The following ADAMTS2 variants were observed in gnomAD, a reference collection of about 807,000 sequenced individuals.
The protein encoded by ADAMTS2 is A disintegrin and metalloproteinase with thrombospondin motifs 2.
In ADAMTS2, 50 loss-of-function variants were observed where a neutral mutation model predicts 123.0. The ratio of observed to expected loss-of-function variants is 0.41; its 90% CI spans 0.32 to 0.51. The LOEUF (loss-of-function observed/expected upper bound fraction) is 0.51, where lower values mean the gene tolerates loss of function less well. Ranked by LOEUF, ADAMTS2 falls within the 20% of genes least tolerant of loss-of-function variation. The pLI is 0.35. For synonymous variants in ADAMTS2, 678 were observed against 695.4 expected (o/e 0.98, Z 0.39); for missense variants, 1,494 against 1,705.2 (o/e 0.88, Z 2.18).
Position 179,188,966 on chromosome 5 carries a change from T to A in ADAMTS2, c.892-7811A>T, listed in dbSNP as rs1764238310. Among the ~76,000 whole-genome samples the A allele has an allele frequency of 6.6e-6, 1 of 151,958 alleles. No homozygotes were observed. The highest frequency in any genetic ancestry group is 2.1e-4 in the South Asian group (1 of 4,806). The stretch of plus-strand genomic sequence containing the variant: ...GACGGCAAGAGGCTGCCCCTCCCCC[T>A]CTCCTGAATTTGGGGGGTTAGCAGA... On this transcript the variant is annotated intron_variant, in intron 4 of 21. Coordinates refer to ENST00000251582, the MANE Select transcript of ADAMTS2 (RefSeq NM_014244.5). The surrounding 1 kb of genome is among the most constrained non-coding windows in gnomAD (Gnocchi z 5.1).
intron 2 of ADAMTS2, among the ~76,000 whole-genome samples, chr5:179,319,578 C>T (rs759156451): frequency 7.9e-5 from 12 of 152,186 alleles, no homozygotes; most frequent in Non-Finnish European, 1.2e-4. Context: ...CCCAGCCTCA[C>T]TGCCTGCTTG....
At chr5:179,163,395 C>G (rs1763636215) in intron 5 of ADAMTS2, among the ~76,000 whole-genome samples, 2 of 152,220 alleles carry the variant, frequency 1.3e-5, no homozygotes, top group Admixed American at 1.3e-4. Context: ...GGAGCAACAT[C>G]CGCCCAGTGC....
chr5:179,121,548 G>A lies in ADAMTS2; in HGVS notation c.3178+113C>T, dbSNP rs1762762773. The stretch of plus-strand genomic sequence containing the variant: ...AAAACGGTCACCCCAGAGCGCGCCC[G>A]CAGAGTCAGGGGAGCTTTCCATAGA... On this transcript the variant is annotated intron_variant, in intron 21 of 21. Coordinates refer to ENST00000251582, the MANE Select transcript of ADAMTS2 (RefSeq NM_014244.5). 8.2e-6 allele frequency: 7 copies of A among 857,536 alleles called. No homozygotes were observed. The East Asian group carries it at 1.1e-4, about 14-fold the overall frequency. 53.1% of individuals were successfully genotyped at this position (857,536 alleles called of 1,614,324 possible). A position where few individuals can be genotyped will look rare whatever the true frequency, so the allele number is the denominator to read the frequency against.
At position 179,115,372 on chromosome 5, in the gene ADAMTS2, A is replaced by G. The variant is rs1019310730; in HGVS notation, c.3179-1048T>C. On this transcript the variant is annotated intron_variant, in intron 21 of 21. Transcript: ENST00000251582. The surrounding 1 kb of genome is among the most constrained non-coding windows in gnomAD (Gnocchi z 4.4). The stretch of plus-strand genomic sequence containing the variant: ...AACACAAAAATTAAGATGATTTTAA[A>G]AAATTCACTCAAGAAGAAAGAATAA... Among the ~76,000 whole-genome samples the G allele has an allele frequency of 3.3e-5, 5 of 152,222 alleles. No homozygotes were observed. The highest frequency in any genetic ancestry group is 2.6e-4 in the Admixed American group (4 of 15,284).
intron 3 of ADAMTS2, among the ~76,000 whole-genome samples, chr5:179,229,140 A>G (rs1765352235): frequency 6.6e-6 from 1 of 152,226 alleles, no homozygotes; most frequent in Non-Finnish European, 1.5e-5. Flanking sequence ...CCTGAGGCCC[A>G]GAGAAGCCAA....
chr5:179,316,612 A>T (rs2113584930), intron 2 of ADAMTS2, among the ~76,000 whole-genome samples: 1 of 152,322 alleles, frequency 6.6e-6, no homozygotes, highest in East Asian at 1.9e-4. Context: ...CAGTCCAGCA[A>T]GGCCCAGGGC....
rs1428525920 is a variant in ADAMTS2 at position 179,260,144 on chromosome 5, G to A, written c.688+12767C>T. On this transcript the variant is annotated intron_variant, in intron 3 of 21. Coordinates refer to ENST00000251582, the MANE Select transcript of ADAMTS2 (RefSeq NM_014244.5). The surrounding 1 kb of genome is among the most constrained non-coding windows in gnomAD (Gnocchi z 4.2). ...AATGTCCCATGGGCCCATGGGACCA[G>A]TAGCCACCCACAGCTGCCAACCTGA... Among the ~76,000 whole-genome samples the A allele has an allele frequency of 1.3e-5, 2 of 152,108 alleles. No individual in the cohort carries two copies. Among genetic ancestry groups the A allele is most frequent in the Non-Finnish European group, 2.9e-5 (2 of 68,026 alleles).
At chr5:179,169,605 G>C (rs1763775852) in intron 5 of ADAMTS2, among the ~76,000 whole-genome samples, 1 of 152,104 alleles carries the variant, frequency 6.6e-6, no homozygotes, top group Non-Finnish European at 1.5e-5. Flanking sequence ...GGTGAGGCAT[G>C]GGGTGTGTTT....
chr5:179,339,090 C>T (rs572154439), intron 2 of ADAMTS2, among the ~76,000 whole-genome samples: 1 of 152,180 alleles, frequency 6.6e-6, no homozygotes, highest in Non-Finnish European at 1.5e-5. Flanking sequence ...CCGTGTTCAC[C>T]ACCCTGCACA....
At position 179,132,790 on chromosome 5, in the gene ADAMTS2, T is replaced by G; in HGVS notation, c.2196A>C (p.Ser732=). 1 of 1,614,094 alleles carries G rather than the reference T, an allele frequency of 6.2e-7. No individual in the cohort carries two copies. Among genetic ancestry groups the G allele is most frequent in the Non-Finnish European group, 8.5e-7 (1 of 1,179,990 alleles). ...GGACCCACTCACCATGCTTCTTGGGTGACCGTGTGAACGTGCCCTTGACCA... is the reference window on the plus strand; with the variant it reads ...GGACCCACTCACCATGCTTCTTGGGGGACCGTGTGAACGTGCCCTTGACCA... ...CKVVKGTFTR[S]PKKHGYIKMF... Residue 732 remains serine, a synonymous_variant, in exon 14 of 22, where the codon TCA becomes TCC. Transcript: ENST00000251582. This position sits in a 1 kb window ranked among gnomAD's most constrained non-coding sequence, Gnocchi z 6.1.
At chr5:179,207,988 C>T (rs1764748224) in intron 3 of ADAMTS2, among the ~76,000 whole-genome samples, 1 of 152,142 alleles carries the variant, frequency 6.6e-6, no homozygotes, top group Non-Finnish European at 1.5e-5. Flanking sequence ...CAGCAGGGGC[C>T]ACAGTGGCCT....
intron 3 of ADAMTS2, among the ~76,000 whole-genome samples, chr5:179,212,858 C>T (rs1017459090): frequency 2.0e-5 from 3 of 152,130 alleles, no homozygotes; most frequent in South Asian, 2.1e-4. Context: ...GCTGGGTGTT[C>T]GCTGTCCCCT....
At chr5:179,258,986 T>A (rs1251740086) in intron 3 of ADAMTS2, among the ~76,000 whole-genome samples, 1 of 152,088 alleles carries the variant, frequency 6.6e-6, no homozygotes, top group Non-Finnish European at 1.5e-5. Flanking sequence ...CAGGCCGCAG[T>A]CTCTCCCTGC....
At chr5:179,304,666 G>T (rs573574688) in intron 2 of ADAMTS2, among the ~76,000 whole-genome samples, 2 of 152,152 alleles carry the variant, frequency 1.3e-5, no homozygotes, top group Non-Finnish European at 2.9e-5. Context: ...AAACTGCAGC[G>T]AGTAAAAATA....
At position 179,116,729 on chromosome 5, in the gene ADAMTS2, ATT is replaced by A. The variant is rs1404846372; in HGVS notation, c.3179-2407_3179-2406del. On this transcript the variant is annotated intron_variant, in intron 21 of 21. Transcript: ENST00000251582. The stretch of plus-strand genomic sequence containing the variant: ...GGAAATTTTGAATCTGAAAATGGCA[ATT>A]TCCAGGCAAGAAGAATGCAGGGAGG... 8.4e-3 allele frequency among the ~76,000 whole-genome samples: 1,274 copies of A among 152,326 alleles called. 14 individuals carry two copies. Among genetic ancestry groups the A allele is most frequent in the African/African-American group, 0.029 (1,208 of 41,578 alleles).
intron 4 of ADAMTS2, among the ~76,000 whole-genome samples, chr5:179,203,982 G>A (rs1764622720): frequency 6.6e-6 from 1 of 152,180 alleles, no homozygotes; most frequent in Admixed American, 6.5e-5. Flanking sequence ...AAATGTGGCC[G>A]ATCCACCCAC....
chr5:179,316,717 G>A (rs373965834), intron 2 of ADAMTS2, among the ~76,000 whole-genome samples: 1 of 152,130 alleles, frequency 6.6e-6, no homozygotes, highest in Non-Finnish European at 1.5e-5. Flanking sequence ...GCCAAGAACC[G>A]CTTAAGTCCA....
intron 10 of ADAMTS2, among the ~76,000 whole-genome samples, chr5:179,141,664 G>A (rs921898279): frequency 6.6e-6 from 1 of 152,062 alleles, no homozygotes; most frequent in Non-Finnish European, 1.5e-5. Flanking sequence ...AGCTCAGTGT[G>A]ACAGAAGCTT....
intron 5 of ADAMTS2, among the ~76,000 whole-genome samples, chr5:179,179,148 C>T (rs1227578357): frequency 2.0e-5 from 3 of 151,706 alleles, no homozygotes; most frequent in Non-Finnish European, 4.4e-5. Flanking sequence ...GGTTTCACCA[C>T]GTTAGCTAGG....
Sources: gnomAD v4.1 joint callset for allele counts (sites outside exome capture counted in the v4.1 genomes callset) on GRCh38, gnomAD v4.1.1 for gene constraint, Gnocchi (gnomAD v3.1) non-coding constraint, MANE v1.5 for transcripts, NCBI Gene and HGNC (gene_info 2026-07-23, HGNC 2026-07-21) for gene names.